The following LRRC37A2 variants were observed in gnomAD, a reference collection of about 807,000 sequenced individuals.
The protein encoded by LRRC37A2 is leucine-rich repeat-containing protein 37A2.
A neutral mutation model predicts 68.8 loss-of-function variants in LRRC37A2; 9 were observed. The observed-to-expected ratio is 0.13, with a 90% CI of 0.08 to 0.23. The LOEUF is 0.23. Ranked by LOEUF, LRRC37A2 falls within the 10% of genes least tolerant of loss-of-function variation. The pLI is 1.00. For missense variants in LRRC37A2, 168 were observed against 950.4 expected (o/e 0.18, Z 10.82); for synonymous variants, 63 against 367.6 (o/e 0.17, Z 9.48).
the LRRC37A2 span, among the ~76,000 whole-genome samples, chr17:46,770,245 G>A: frequency 2.6e-5 from 4 of 152,198 alleles, no homozygotes; most frequent in African/African-American, 9.6e-5. Context: ...CCACTTCACC[G>A]ATGAGCAAAC....
At chr17:46,493,022 CCTTAATAA>C in the LRRC37A2 span, among the ~76,000 whole-genome samples, 1 of 145,614 alleles carries the variant, frequency 6.9e-6, no homozygotes, top group South Asian at 2.1e-4. Context: ...TTTTTGGCCA[CCTTAATAA>C]GTATATGGTG....
At chr17:46,884,622 C>T in the LRRC37A2 span, among the ~76,000 whole-genome samples, 18 of 152,318 alleles carry the variant, frequency 1.2e-4, no homozygotes, top group African/African-American at 4.1e-4. Flanking sequence ...CATACAGGTA[C>T]CAAGTGCTCT....
chr17:46,956,349 G>A, the LRRC37A2 span, among the ~76,000 whole-genome samples: 1 of 130,182 alleles, frequency 7.7e-6, no homozygotes, highest in Non-Finnish European at 1.5e-5. Flanking sequence ...GGAGTGCAAT[G>A]CTGCCATCTT....
At chr17:46,919,951 A>G in the LRRC37A2 span, among the ~76,000 whole-genome samples, 1 of 152,130 alleles carries the variant, frequency 6.6e-6, no homozygotes, top group African/African-American at 2.4e-5. Context: ...CATCTCAAAA[A>G]AAAGAAAGAA....
At chr17:46,874,786 C>T in the LRRC37A2 span, among the ~76,000 whole-genome samples, 2 of 152,152 alleles carry the variant, frequency 1.3e-5, no homozygotes, top group Admixed American at 6.5e-5. Context: ...CCATATTGGC[C>T]AGACTGGTCT....
chr17:46,806,981 A>G, the LRRC37A2 span, among the ~76,000 whole-genome samples: 35 of 152,306 alleles, frequency 2.3e-4, 1 homozygote, highest in Middle Eastern at 6.8e-3. Flanking sequence ...GTCGGCTTCC[A>G]AGGCAAGGGA....
chr17:46,839,934 TTCTTTCTTTCTTTC>T, the LRRC37A2 span, among the ~76,000 whole-genome samples: 1 of 147,734 alleles, frequency 6.8e-6, no homozygotes, highest in East Asian at 2.0e-4. Flanking sequence ...CTTTCTTTCT[TTCTTTCTTTCTTTC>T]TTTCTTTCTT....
At chr17:46,924,909 G>A in the LRRC37A2 span, among the ~76,000 whole-genome samples, 1 of 152,124 alleles carries the variant, frequency 6.6e-6, no homozygotes, top group Admixed American at 6.5e-5. Flanking sequence ...AGTTAATTTA[G>A]TTAAAGGATG....
At chr17:46,914,497 A>C in the LRRC37A2 span, among the ~76,000 whole-genome samples, 2 of 151,834 alleles carry the variant, frequency 1.3e-5, no homozygotes, top group African/African-American at 4.8e-5. Context: ...AAAAATACAA[A>C]AAAATTAGCC....
chr17:46,976,147 C>T, the LRRC37A2 span, among the ~76,000 whole-genome samples: 1 of 151,648 alleles, frequency 6.6e-6, no homozygotes, highest in Admixed American at 6.6e-5. Flanking sequence ...AGGATGGTCT[C>T]GATCTCCTGA....
At chr17:46,935,012 C>A in the LRRC37A2 span, 1 of 1,610,850 alleles carries the variant, frequency 6.2e-7, no homozygotes, top group Non-Finnish European at 8.5e-7. Flanking sequence ...AATCAAGTGC[C>A]TGTGTTTCTT....
At chr17:46,720,012 G>T in the LRRC37A2 span, among the ~76,000 whole-genome samples, 1 of 152,132 alleles carries the variant, frequency 6.6e-6, no homozygotes, top group East Asian at 1.9e-4. Flanking sequence ...ATATCCTCCT[G>T]TAAATCCCAC....
the LRRC37A2 span, among the ~76,000 whole-genome samples, chr17:46,688,871 AAAT>A: frequency 3.0e-5 from 3 of 100,566 alleles, 1 homozygote; most frequent in Admixed American, 1.2e-4. Flanking sequence ...CCATACACAA[AAAT>A]AAAACACCAG....
the LRRC37A2 span, among the ~76,000 whole-genome samples, chr17:46,493,947 TCCTC>T: frequency 1.1e-4 from 16 of 151,100 alleles, 2 homozygotes; most frequent in African/African-American, 4.0e-4. Context: ...TTCAAGGTGA[TCCTC>T]CCACCACCTC....
At chr17:46,747,864 A>T in the LRRC37A2 span, among the ~76,000 whole-genome samples, 1 of 152,212 alleles carries the variant, frequency 6.6e-6, no homozygotes, top group Non-Finnish European at 1.5e-5. Flanking sequence ...TGTATTTCCT[A>T]GAACTGAATG....
chr17:46,542,062 G>A (rs1196938991), intron 8 of LRRC37A2, among the ~76,000 whole-genome samples: 2 of 138,288 alleles, frequency 1.4e-5, no homozygotes, highest in East Asian at 2.1e-4. Flanking sequence ...AGAGGTGGAG[G>A]TTGCAATGAG....
the LRRC37A2 span, chr17:46,713,764 A>G: frequency 2.4e-6 from 3 of 1,252,364 alleles, no homozygotes; most frequent in Non-Finnish European, 3.4e-6. Flanking sequence ...TCGAGACCTC[A>G]GTATGTTCTG....
At chr17:46,749,920 C>G in the LRRC37A2 span, 1 of 1,613,062 alleles carries the variant, frequency 6.2e-7, no homozygotes, top group Non-Finnish European at 8.5e-7. Flanking sequence ...AAAAATGAGT[C>G]AATGGATTGC....
the LRRC37A2 span, among the ~76,000 whole-genome samples, chr17:46,969,509 G>A: frequency 6.6e-6 from 1 of 152,334 alleles, no homozygotes; most frequent in African/African-American, 2.4e-5. Context: ...GGCCAGAGTT[G>A]CTTTCTTATG....
Sources: gnomAD v4.1 joint callset for allele counts (sites outside exome capture counted in the v4.1 genomes callset) on GRCh38, gnomAD v4.1.1 for gene constraint, MANE v1.5 for transcripts, NCBI Gene and HGNC (gene_info 2026-07-23, HGNC 2026-07-21) for gene names.